Variants in AGTR1 observed in about 807,000 individuals in gnomAD.
AGTR1 encodes angiotensin II receptor type 1.
Under a neutral mutation model 19.4 loss-of-function variants are expected in AGTR1, and 16 were observed. The ratio of observed to expected loss-of-function variants is 0.82; its 90% CI spans 0.56 to 1.25. AGTR1 has a LOEUF of 1.25. Among genes scored for constraint, AGTR1 ranks in the 50% most tolerant of loss-of-function variants. The pLI, the probability that AGTR1 is intolerant of heterozygous loss-of-function variation, is 0.00. For missense variants in AGTR1, 373 were observed against 431.9 expected, an observed-to-expected ratio of 0.86 and a Z score of 1.21; for synonymous variants, 153 against 154.9, an observed-to-expected ratio of 0.99 and a Z score of 0.09.
At chr3:148,719,906 GCT>G (rs1297471087) in intron 2 of AGTR1, among the ~76,000 whole-genome samples, 1 of 151,978 alleles carries the variant, frequency 6.6e-6, no homozygotes, top group Non-Finnish European at 1.5e-5. Context: ...TTCTTTGTTT[GCT>G]CTTTTACTTT....
rs941217805 is a variant in AGTR1, at chr3:148,708,034, G to A, written c.-48+7G>A. On this transcript the variant is annotated splice_region_variant and intron_variant, in intron 2 of 2. Coordinates refer to ENST00000349243, the MANE Select transcript of AGTR1 (RefSeq NM_000685.5). ...CCCAGAAAGTCGGCACCAGGTAAAT[G>A]CCTTACATCTACAGCAGTGGGTCTG... 8 of 152,196 alleles carry A rather than the reference G, an allele frequency of 5.3e-5. No homozygotes were observed. The East Asian group carries it at 1.4e-3, about 26-fold the overall frequency. The allele number at this position is 152,196 out of a possible 1,614,324, so 9.4% of individuals were successfully genotyped here. A position where few individuals can be genotyped will look rare whatever the true frequency, so the allele number is the denominator to read the frequency against.
intron 2 of AGTR1, among the ~76,000 whole-genome samples, chr3:148,710,794 G>A (rs1199217513): frequency 6.6e-6 from 1 of 152,142 alleles, no homozygotes; most frequent in Non-Finnish European, 1.5e-5. Flanking sequence ...TGGAGGTGGG[G>A]CCTGGTGGGA....
intron 1 of AGTR1, among the ~76,000 whole-genome samples, chr3:148,702,330 A>G (rs566798806): frequency 9.9e-5 from 15 of 152,142 alleles, no homozygotes; most frequent in Non-Finnish European, 1.0e-4. Context: ...AAGTTTATTT[A>G]GATATTTTCT....
intron 2 of AGTR1, among the ~76,000 whole-genome samples, chr3:148,720,208 G>A (rs1233463465): frequency 6.6e-6 from 1 of 152,052 alleles, no homozygotes; most frequent in Non-Finnish European, 1.5e-5. Flanking sequence ...TGGTAGATGT[G>A]TAGGAAGCTA....
chr3:148,722,556 G>C (rs1224686618), intron 2 of AGTR1, among the ~76,000 whole-genome samples: 2 of 152,090 alleles, frequency 1.3e-5, no homozygotes, highest in Non-Finnish European at 2.9e-5. Flanking sequence ...GAGGCGGGAG[G>C]GTGCCACTCT....
At chr3:148,721,187 G>T (rs147671734) in intron 2 of AGTR1, among the ~76,000 whole-genome samples, 92 of 152,262 alleles carry the variant, frequency 6.0e-4, no homozygotes, top group African/African-American at 2.1e-3. Context: ...TATCTTGCTC[G>T]GGAGAGAAAA....
chr3:148,738,225 G>A (rs901436646), intron 2 of AGTR1, among the ~76,000 whole-genome samples: 4 of 152,074 alleles, frequency 2.6e-5, no homozygotes, highest in East Asian at 1.9e-4. Flanking sequence ...ATTCTAGAGC[G>A]TAAAGTGTAC....
intron 1 of AGTR1, among the ~76,000 whole-genome samples, chr3:148,700,251 A>G (rs1712258575): frequency 6.6e-6 from 1 of 152,162 alleles, no homozygotes; most frequent in South Asian, 2.1e-4. Flanking sequence ...ATTAATACTA[A>G]TGACTAATTT....
intron 2 of AGTR1, among the ~76,000 whole-genome samples, chr3:148,717,047 C>A (rs1482878836): frequency 6.6e-6 from 1 of 152,120 alleles, no homozygotes; most frequent in African/African-American, 2.4e-5. Context: ...GTTTTAAGGG[C>A]AAAAACTTTG....
At chr3:148,706,970 A>G (rs140586826) in intron 1 of AGTR1, among the ~76,000 whole-genome samples, 22 of 152,184 alleles carry the variant, frequency 1.4e-4, no homozygotes, top group African/African-American at 5.1e-4. Context: ...ATACATTCAT[A>G]TAAGTACAAA....
At chr3:148,709,972 T>C (rs1409511467) in intron 2 of AGTR1, among the ~76,000 whole-genome samples, 1 of 152,216 alleles carries the variant, frequency 6.6e-6, no homozygotes, top group Non-Finnish European at 1.5e-5. Flanking sequence ...ATTTACTATA[T>C]GTGGCTATTT....
chr3:148,730,285 C>G, intron 2 of AGTR1: 1 of 398,192 alleles, frequency 2.5e-6, no homozygotes, highest in Non-Finnish European at 4.4e-6. Flanking sequence ...TCACTATGCT[C>G]TTCCCACTGT....
At chr3:148,711,732 TAGATAGACAGACAGAC>T (rs1712994373) in intron 2 of AGTR1, among the ~76,000 whole-genome samples, 1 of 151,956 alleles carries the variant, frequency 6.6e-6, no homozygotes, top group Non-Finnish European at 1.5e-5. Context: ...TAAATAGAGA[TAGATAGACAGACAGAC>T]AGATAGACAG....
At chr3:148,721,068 CTGTT>C (rs1218951134) in intron 2 of AGTR1, among the ~76,000 whole-genome samples, 2 of 152,120 alleles carry the variant, frequency 1.3e-5, no homozygotes, top group Admixed American at 1.3e-4. Flanking sequence ...GGTGAGTTGT[CTGTT>C]TGTCCTATAA....
intron 2 of AGTR1, among the ~76,000 whole-genome samples, chr3:148,734,617 T>C (rs1249319688): frequency 6.6e-6 from 1 of 152,204 alleles, no homozygotes; most frequent in African/African-American, 2.4e-5. Flanking sequence ...GAGAGAACTA[T>C]TCACTCAGAA....
intron 2 of AGTR1, chr3:148,739,907 C>T: frequency 8.1e-7 from 1 of 1,231,962 alleles, no homozygotes; most frequent in Non-Finnish European, 1.0e-6. Context: ...GCTGTCCTGG[C>T]CTGTGCCCAA....
chr3:148,734,029 C>T (rs1424044814), intron 2 of AGTR1, among the ~76,000 whole-genome samples: 2 of 151,914 alleles, frequency 1.3e-5, no homozygotes, highest in African/African-American at 2.4e-5. Flanking sequence ...AAAATAAAAA[C>T]GACAAAAACA....
chr3:148,698,213 C>A (rs1434955261), intron 1 of AGTR1, 86 bp downstream of exon 1: 1 of 152,278 alleles, frequency 6.6e-6, no homozygotes, highest in Non-Finnish European at 1.5e-5. Flanking sequence ...TAACTGCTGG[C>A]TCTATACTGG....
intron 1 of AGTR1, among the ~76,000 whole-genome samples, chr3:148,704,366 G>A (rs769106015): frequency 2.7e-5 from 4 of 149,802 alleles, no homozygotes; most frequent in Non-Finnish European, 4.4e-5. Context: ...ACCCTGTCTC[G>A]AATAATAATA....
Sources: gnomAD v4.1 joint callset for allele counts (sites outside exome capture counted in the v4.1 genomes callset) on GRCh38, gnomAD v4.1.1 for gene constraint, MANE v1.5 for transcripts, NCBI Gene and HGNC (gene_info 2026-07-23, HGNC 2026-07-21) for gene names.